TRAF1: variants seen among roughly 807,000 people sequenced by gnomAD.
TRAF1 encodes the protein TNF receptor associated factor 1.
A neutral mutation model predicts 40.9 loss-of-function variants in TRAF1; 23 were observed. The ratio of observed to expected loss-of-function variants is 0.56; its 90% CI spans 0.40 to 0.80. The LOEUF (loss-of-function observed/expected upper bound fraction) is 0.80, where lower values mean the gene tolerates loss of function less well. Ranked by LOEUF, TRAF1 falls within the 30% of genes least tolerant of loss-of-function variation. TRAF1 has a pLI of 0.00. For missense variants in TRAF1, 477 were observed against 528.7 expected (o/e 0.90, Z 0.96); for synonymous variants, 206 against 218.8 (o/e 0.94, Z 0.52).
At chr9:120,914,569 C>A (rs1185732239) in intron 3 of TRAF1, 1 of 1,117,946 alleles carries the variant, frequency 8.9e-7, no homozygotes, top group Non-Finnish European at 1.1e-6. Context: ...GCTCCGTAAT[C>A]ATCACTCACT....
Position 120,913,457 on chromosome 9 carries a change from C to A in TRAF1, c.576G>T (p.Gly192=). 6.2e-7 allele frequency: 1 copy of A among 1,614,026 alleles called. No individual in the cohort carries two copies. Among genetic ancestry groups the A allele is most frequent in the Non-Finnish European group, 8.5e-7 (1 of 1,180,022 alleles). Residue 192 remains glycine (G), a synonymous_variant, in exon 5 of 8, where the codon GGG becomes GGT. Transcript: ENST00000373887. ...CAATGTTCTCAAACACACGCAGCTT[C>A]CCCTCCAGCTCAGCCAGAAGCTTCT... ...MKEKLLAELE[G]KLRVFENIVA...
At chr9:120,908,716 C>T (rs1234389296) in intron 7 of TRAF1, among the ~76,000 whole-genome samples, 2 of 152,160 alleles carry the variant, frequency 1.3e-5, no homozygotes, top group South Asian at 2.1e-4. Flanking sequence ...CATGCCACCA[C>T]ACCCAGCTAA....
In TRAF1 at chr9:120,923,796, G is replaced by A. The variant is rs777763020; in HGVS notation, c.141-4C>T. 3.1e-6 allele frequency: 5 copies of A among 1,613,882 alleles called. No individual in the cohort carries two copies. In the African/African-American group the frequency reaches 6.7e-5, roughly 22 times the overall value. ...GCAGATCTGATCCTCGCCATTCCTG[G>A]GGAAACATGGACAAAGCCTTGGAGA... On this transcript the variant is annotated splice_polypyrimidine_tract_variant and splice_region_variant and intron_variant, in intron 2 of 7. Coordinates refer to ENST00000373887, the MANE Select transcript of TRAF1 (RefSeq NM_005658.5).
intron 3 of TRAF1, among the ~76,000 whole-genome samples, chr9:120,915,269 G>A (rs141144944): frequency 1.7e-4 from 26 of 152,298 alleles, no homozygotes; most frequent in Admixed American, 5.2e-4. Context: ...CTGTGACAGC[G>A]TATTGCCCCT....
chr9:120,922,626 T>G (rs2046612499), intron 3 of TRAF1, among the ~76,000 whole-genome samples: 1 of 152,096 alleles, frequency 6.6e-6, no homozygotes, highest in African/African-American at 2.4e-5. Flanking sequence ...TCCAAATGTG[T>G]CTCTTATTCC....
At chr9:120,919,053 T>C (rs542614168) in intron 3 of TRAF1, among the ~76,000 whole-genome samples, 1 of 152,240 alleles carries the variant, frequency 6.6e-6, no homozygotes, top group South Asian at 2.1e-4. Context: ...CCCACCATAG[T>C]GTCCTTGCCT....
chr9:120,905,142 C>T lies in TRAF1; in HGVS notation c.1129G>A (p.Glu377Lys). ...GGGCATCCACTGGCCACGTTGGTTTCACTCTGGGGCCTCTGGAAGGACGCT... is the reference window on the plus strand; with the variant it reads ...GGGCATCCACTGGCCACGTTGGTTTTACTCTGGGGCCTCTGGAAGGACGCT... The part of the protein sequence containing the change: ...SSASFQRPQS[E>K]TNVASGCPLF... Residue 377 changes from glutamate (E) to lysine (K), a missense_variant, in exon 8 of 8, where the codon GAA becomes AAA. Physicochemically the swap from Glu to Lys is moderately conservative, Grantham distance 56. Transcript: ENST00000373887. 1 of 1,614,256 alleles carries T rather than the reference C, an allele frequency of 6.2e-7. No homozygotes were observed. The highest frequency in any genetic ancestry group is 8.5e-7 in the Non-Finnish European group (1 of 1,180,052).
At chr9:120,909,149 T>C (rs1044747284) in intron 7 of TRAF1, 81 bp downstream of exon 7, 5 of 1,534,250 alleles carry the variant, frequency 3.3e-6, no homozygotes, top group African/African-American at 1.4e-5. Flanking sequence ...CCAGGTCACA[T>C]GGCCAATTCA....
chr9:120,908,793 C>T (rs1322435706), intron 7 of TRAF1, among the ~76,000 whole-genome samples: 1 of 152,160 alleles, frequency 6.6e-6, no homozygotes, highest in Non-Finnish European at 1.5e-5. Flanking sequence ...CTCCTGGTCT[C>T]AAGTGATCCG....
At chr9:120,917,520 A>G (rs1162564578) in intron 3 of TRAF1, among the ~76,000 whole-genome samples, 1 of 152,220 alleles carries the variant, frequency 6.6e-6, no homozygotes, top group Non-Finnish European at 1.5e-5. Flanking sequence ...TTGCTGCTGT[A>G]ACAAAATACC....
At chr9:120,909,193 G>T (rs201867327) in intron 7 of TRAF1, 37 bp downstream of exon 7, 6 of 1,600,544 alleles carry the variant, frequency 3.7e-6, no homozygotes, top group Non-Finnish European at 5.1e-6. Flanking sequence ...AGGCTTCCAT[G>T]CTCCCCACCT....
At chr9:120,923,521 T>C (rs2046618305) in intron 3 of TRAF1, among the ~76,000 whole-genome samples, 184 bp downstream of exon 3, 1 of 152,222 alleles carries the variant, frequency 6.6e-6, no homozygotes. Context: ...GCCAGGTAGC[T>C]TTAGGCAAGA....
At position 120,926,538 on chromosome 9, in the gene TRAF1, G is replaced by C. The variant is rs149294019; in HGVS notation, c.-227+12C>G. ...CTCTGAGCAGCCTGGAATTCTCAGT[G>C]GGGGTGCTCACCTTCCTGGTGGAAA... On this transcript the variant is annotated intron_variant, in intron 1 of 7. Transcript: ENST00000373887. The C allele has an allele frequency of 6.5e-6, 1 of 153,158 alleles. No homozygotes were observed. The highest frequency in any genetic ancestry group is 1.5e-5 in the Non-Finnish European group (1 of 68,742). The allele number at this position is 153,158 out of a possible 1,614,324, so 9.5% of individuals were successfully genotyped here. A position where few individuals can be genotyped will look rare whatever the true frequency, so the allele number is the denominator to read the frequency against.
intron 3 of TRAF1, among the ~76,000 whole-genome samples, chr9:120,920,024 A>G (rs2046594576): frequency 6.6e-6 from 1 of 152,166 alleles, no homozygotes. Flanking sequence ...GCCACCCACC[A>G]CACAGGATGT....
At position 120,905,208 on chromosome 9, in the gene TRAF1, G is replaced by A. The variant is rs201773418; in HGVS notation, c.1063C>T (p.Arg355Cys). 19 of 1,612,896 alleles carry A rather than the reference G, an allele frequency of 1.2e-5. No homozygotes were observed. Among genetic ancestry groups the A allele is most frequent in the South Asian group, 6.6e-5 (6 of 90,882 alleles). The stretch of plus-strand genomic sequence containing the variant: ...CGGAAGGCGTCAATGGCGTGCTCAC[G>A]GTTGTTCTGGTCCAGCAGCATGAAG... ...VTFMLLDQNNREHAIDAFRPD... is the reference protein window; with the variant it reads ...VTFMLLDQNNCEHAIDAFRPD... Residue 355 changes from arginine (R) to cysteine (C), a missense_variant, in exon 8 of 8, where the codon CGT becomes TGT. Coordinates refer to ENST00000373887, the MANE Select transcript of TRAF1 (RefSeq NM_005658.5).
At chr9:120,910,708 T>G (rs1201030748) in intron 6 of TRAF1, among the ~76,000 whole-genome samples, 6 of 152,226 alleles carry the variant, frequency 3.9e-5, no homozygotes, top group African/African-American at 1.4e-4. Flanking sequence ...GCTGCCTCAT[T>G]TTTTGCACAA....
At chr9:120,916,934 A>G (rs1480150885) in intron 3 of TRAF1, among the ~76,000 whole-genome samples, 1 of 151,978 alleles carries the variant, frequency 6.6e-6, no homozygotes, top group Admixed American at 6.6e-5. Context: ...TTCAGGTCCC[A>G]CCCCTCCCCA....
At position 120,913,694 on chromosome 9, in the gene TRAF1, G is replaced by A. The variant is rs767471369; in HGVS notation, c.339C>T (p.Thr113=). ...ACCCCAACAGCAGGTTTAGGTGGGA[G>A]GTCTGGGAGGTGACCTCATGCTCTT... The part of the protein sequence containing the change: ...SVQEHEVTSQ[T]SHLNLLLGFM... Residue 113 remains threonine, a synonymous_variant, in exon 5 of 8, where the codon ACC becomes ACT. Transcript: ENST00000373887. The A allele has an allele frequency of 1.2e-6, 2 of 1,606,114 alleles. No individual in the cohort carries two copies. The highest frequency in any genetic ancestry group is 1.7e-6 in the Non-Finnish European group (2 of 1,175,068).
At chr9:120,915,208 A>G (rs1056311203) in intron 3 of TRAF1, among the ~76,000 whole-genome samples, 6 of 114,824 alleles carry the variant, frequency 5.2e-5, no homozygotes, top group African/African-American at 1.5e-4. Flanking sequence ...TGAACATCAT[A>G]GGATGTATTT....
Sources: gnomAD v4.1 joint callset for allele counts (sites outside exome capture counted in the v4.1 genomes callset) on GRCh38, gnomAD v4.1.1 for gene constraint, MANE v1.5 for transcripts, NCBI Gene and HGNC (gene_info 2026-07-23, HGNC 2026-07-21) for gene names.